The following RFX3 variants were observed in gnomAD, a reference collection of about 807,000 sequenced individuals.
The protein encoded by RFX3 is transcription factor RFX3.
Under a neutral mutation model 98.6 loss-of-function variants are expected in RFX3, and 14 were observed. The ratio of observed to expected loss-of-function variants is 0.14; its 90% confidence interval spans 0.09 to 0.22. The LOEUF is 0.22. Among genes scored for constraint, RFX3 ranks in the 10% least tolerant of loss-of-function variants. The pLI, the probability that RFX3 is intolerant of heterozygous loss-of-function variation, is 1.00. For synonymous variants in RFX3, 383 were observed against 328.4 expected (o/e 1.17, Z -1.80); for missense variants, 639 against 926.9 (o/e 0.69, Z 4.03).
chr9:3,365,611 A>G (rs1450087352), intron 2 of RFX3, among the ~76,000 whole-genome samples: 1 of 152,186 alleles, frequency 6.6e-6, no homozygotes, highest in Non-Finnish European at 1.5e-5. Flanking sequence ...AACTGCTAAT[A>G]TATTACCTAC....
intron 14 of RFX3, among the ~76,000 whole-genome samples, chr9:3,254,011 T>C (rs528044556): frequency 6.6e-6 from 1 of 152,244 alleles, no homozygotes; most frequent in African/African-American, 2.4e-5. Context: ...TGCCTTTCCT[T>C]CTGGGGCCCT....
chr9:3,322,051 A>G (rs1487395010), intron 4 of RFX3, among the ~76,000 whole-genome samples: 1 of 152,026 alleles, frequency 6.6e-6, no homozygotes, highest in Non-Finnish European at 1.5e-5. Flanking sequence ...AATATCTGAT[A>G]GGTTGTTTCC....
intron 1 of RFX3, among the ~76,000 whole-genome samples, chr9:3,494,626 T>C (rs1270582777): frequency 1.3e-5 from 2 of 152,136 alleles, no homozygotes; most frequent in South Asian, 2.1e-4. Context: ...CAGAGAAATA[T>C]AATAAACATT....
At chr9:3,233,381 C>T (rs777208319) in intron 15 of RFX3, among the ~76,000 whole-genome samples, 6 of 152,138 alleles carry the variant, frequency 3.9e-5, no homozygotes, top group Non-Finnish European at 7.4e-5. Flanking sequence ...GAGAATGCAG[C>T]CCACAGGTGC....
At chr9:3,421,755 T>C (rs1372789159) in intron 1 of RFX3, among the ~76,000 whole-genome samples, 4 of 152,176 alleles carry the variant, frequency 2.6e-5, no homozygotes, top group African/African-American at 7.2e-5. Flanking sequence ...TAAGCCCTCA[T>C]AGACGAATGC....
At position 3,309,292 on chromosome 9, in the gene RFX3, G is replaced by T. The variant is rs114242876; in HGVS notation, c.475-7672C>A. Among the ~76,000 whole-genome samples the T allele has an allele frequency of 4.6e-3, 696 of 152,216 alleles. 7 individuals are homozygous for T. Among genetic ancestry groups the T allele is most frequent in the African/African-American group, 0.016 (670 of 41,522 alleles). ...GAGAAAAAACACAAAGATTAGTGGA[G>T]CTCCAACAAAGATATAGCAACCCTT... On this transcript the variant is annotated intron_variant, in intron 4 of 16. Coordinates refer to ENST00000617270, the MANE Select transcript of RFX3 (RefSeq NM_001282116.2).
intron 7 of RFX3, among the ~76,000 whole-genome samples, chr9:3,282,917 A>G (rs1030535816): frequency 6.6e-6 from 1 of 151,900 alleles, no homozygotes; most frequent in Middle Eastern, 3.4e-3. Flanking sequence ...ATAATTGCCA[A>G]TGAGATCTTG....
At chr9:3,310,196 G>T (rs987784013) in intron 4 of RFX3, among the ~76,000 whole-genome samples, 1 of 152,134 alleles carries the variant, frequency 6.6e-6, no homozygotes, top group Non-Finnish European at 1.5e-5. Flanking sequence ...ATGGGAAGAG[G>T]TGTTGAGTCT....
At chr9:3,435,589 T>C (rs1330523393) in intron 1 of RFX3, among the ~76,000 whole-genome samples, 1 of 151,074 alleles carries the variant, frequency 6.6e-6, no homozygotes, top group Non-Finnish European at 1.5e-5. Context: ...CTGCATTTTA[T>C]TTATTTATAC....
intron 7 of RFX3, among the ~76,000 whole-genome samples, chr9:3,279,159 G>A (rs1291184470): frequency 1.3e-5 from 2 of 151,702 alleles, no homozygotes; most frequent in Admixed American, 6.6e-5. Context: ...GTACATGTGC[G>A]GCAGAGCAGT....
At chr9:3,292,656 G>A (rs1827535566) in intron 6 of RFX3, among the ~76,000 whole-genome samples, 1 of 152,126 alleles carries the variant, frequency 6.6e-6, no homozygotes, top group Admixed American at 6.5e-5. Flanking sequence ...TTTTTCAAGA[G>A]TCAAGTGATA....
At chr9:3,278,435 C>T (rs1011516919) in intron 7 of RFX3, among the ~76,000 whole-genome samples, 1 of 151,808 alleles carries the variant, frequency 6.6e-6, no homozygotes, top group African/African-American at 2.4e-5. Context: ...TGTCTGGCCT[C>T]CCATTCTTTT....
intron 1 of RFX3, chr9:3,524,687 C>G (rs1320308206): frequency 1.1e-6 from 1 of 894,712 alleles, no homozygotes; most frequent in Non-Finnish European, 1.3e-6. Flanking sequence ...ATTGTTAACA[C>G]TCTACTGCGG....
chr9:3,263,091 C>A lies in RFX3; in HGVS notation c.1456-7G>T, dbSNP rs372891259. The A allele has an allele frequency of 3.7e-6, 6 of 1,612,034 alleles. No individual in the cohort carries two copies. In the Admixed American group the frequency reaches 6.7e-5, roughly 18 times the overall value. On this transcript the variant is annotated splice_region_variant and splice_polypyrimidine_tract_variant and intron_variant, in intron 12 of 16. Coordinates refer to ENST00000617270, the MANE Select transcript of RFX3 (RefSeq NM_001282116.2). ...AGGCACTTACAGCGGCAACCTGTAA[C>A]GCAATCCAATTAAGTTGGGATTCTG...
At chr9:3,445,790 A>G (rs954490557) in intron 1 of RFX3, among the ~76,000 whole-genome samples, 1 of 152,118 alleles carries the variant, frequency 6.6e-6, no homozygotes, top group African/African-American at 2.4e-5. Context: ...TGTATTCTAG[A>G]CATACTAAGA....
At chr9:3,250,270 T>C (rs945035067) in intron 14 of RFX3, among the ~76,000 whole-genome samples, 2 of 151,996 alleles carry the variant, frequency 1.3e-5, no homozygotes, top group Non-Finnish European at 2.9e-5. Flanking sequence ...GAATATTTGC[T>C]CCTAATTGCA....
intron 1 of RFX3, chr9:3,469,022 C>A: frequency 6.0e-6 from 2 of 330,874 alleles, no homozygotes; most frequent in Non-Finnish European, 1.2e-5. Context: ...ATTAGTGTAG[C>A]CAAAATTTAG....
intron 3 of RFX3, among the ~76,000 whole-genome samples, chr9:3,333,415 G>A (rs1478171583): frequency 3.4e-5 from 5 of 146,346 alleles, no homozygotes; most frequent in Non-Finnish European, 7.5e-5. Context: ...GGTGATGATA[G>A]AAACAAATTC....
chr9:3,478,373 C>T (rs963787578), intron 1 of RFX3, among the ~76,000 whole-genome samples: 1 of 148,198 alleles, frequency 6.7e-6, no homozygotes, highest in Admixed American at 6.7e-5. Context: ...ATCCTGTATT[C>T]CCCGTAGTGT....
Sources: gnomAD v4.1 joint callset for allele counts (sites outside exome capture counted in the v4.1 genomes callset) on GRCh38, gnomAD v4.1.1 for gene constraint, MANE v1.5 for transcripts, NCBI Gene and HGNC (gene_info 2026-07-23, HGNC 2026-07-21) for gene names.